The following KCNT2 variants were observed in gnomAD, a reference collection of about 807,000 sequenced individuals.
The protein encoded by KCNT2 is potassium channel subfamily T member 2.
Under a neutral mutation model 153.8 loss-of-function variants are expected in KCNT2, and 67 were observed. The ratio of observed to expected loss-of-function variants is 0.44; its 90% CI spans 0.36 to 0.53. The LOEUF (loss-of-function observed/expected upper bound fraction) is 0.53. KCNT2 is among the 20% of genes least tolerant of loss of function. The pLI, the probability that KCNT2 is intolerant of heterozygous loss-of-function variation, is 0.00. For synonymous variants in KCNT2, 500 were observed against 458.8 expected (o/e 1.09, Z -1.15); for missense variants, 975 against 1,354.8 (o/e 0.72, Z 4.40).
At chr1:196,536,689 G>A (rs559614604) in intron 1 of KCNT2, among the ~76,000 whole-genome samples, 1 of 152,140 alleles carries the variant, frequency 6.6e-6, no homozygotes, top group African/African-American at 2.4e-5. Flanking sequence ...CAGTCTGGGG[G>A]GTTGTTACCC....
At chr1:196,434,862 A>T (rs1674480531) in intron 8 of KCNT2, among the ~76,000 whole-genome samples, 1 of 151,684 alleles carries the variant, frequency 6.6e-6, no homozygotes, top group South Asian at 2.1e-4. Flanking sequence ...ATGGTGGTAC[A>T]GTCTACTAGA....
At chr1:196,529,507 G>C (rs547373856) in intron 1 of KCNT2, among the ~76,000 whole-genome samples, 3 of 152,058 alleles carry the variant, frequency 2.0e-5, no homozygotes, top group Non-Finnish European at 2.9e-5. Flanking sequence ...ACTTGTTCAA[G>C]AGAAAGAAAT....
At chr1:196,486,298 C>T (rs1213996843) in intron 3 of KCNT2, among the ~76,000 whole-genome samples, 5 of 151,686 alleles carry the variant, frequency 3.3e-5, no homozygotes, top group Admixed American at 1.3e-4. Flanking sequence ...ACAAATTTCC[C>T]TTTCCAAAAT....
intron 26 of KCNT2, among the ~76,000 whole-genome samples, chr1:196,240,866 A>G (rs1654888243): frequency 6.6e-6 from 1 of 152,024 alleles, no homozygotes; most frequent in Admixed American, 6.6e-5. Flanking sequence ...TATCACTTTG[A>G]TTGCTTTGTG....
At chr1:196,337,540 T>C (rs987431328) in intron 16 of KCNT2, among the ~76,000 whole-genome samples, 8 of 152,090 alleles carry the variant, frequency 5.3e-5, no homozygotes, top group African/African-American at 1.7e-4. Context: ...TTTCTACCTG[T>C]TCGTCCTCAT....
At chr1:196,404,418 A>G (rs1297869716) in intron 12 of KCNT2, among the ~76,000 whole-genome samples, 2 of 151,716 alleles carry the variant, frequency 1.3e-5, no homozygotes, top group Non-Finnish European at 3.0e-5. Flanking sequence ...CATCAAATTC[A>G]AACTTCTTAA....
intron 8 of KCNT2, among the ~76,000 whole-genome samples, chr1:196,434,838 A>G (rs1300222038): frequency 6.6e-6 from 1 of 151,612 alleles, no homozygotes; most frequent in African/African-American, 2.4e-5. Flanking sequence ...CCCTGAGACC[A>G]CCACACTGTG....
chr1:196,339,869 G>A (rs1483975192), intron 16 of KCNT2, among the ~76,000 whole-genome samples: 1 of 152,056 alleles, frequency 6.6e-6, no homozygotes. Context: ...GAGATGGAAA[G>A]AGAATTTTGA....
chr1:196,231,699 C>A (rs970225869), intron 27 of KCNT2, among the ~76,000 whole-genome samples: 1 of 151,606 alleles, frequency 6.6e-6, no homozygotes. Context: ...TTCTGATGTG[C>A]TTAGAAATGA....
At chr1:196,273,461 T>C (rs574709687) in intron 25 of KCNT2, 1 of 1,527,008 alleles carries the variant, frequency 6.5e-7, no homozygotes, top group East Asian at 2.5e-5. Context: ...AAACAGAAAA[T>C]ACTTACTTGT....
chr1:196,288,372 A>G (rs1659875194), intron 22 of KCNT2, among the ~76,000 whole-genome samples: 1 of 152,066 alleles, frequency 6.6e-6, no homozygotes, highest in Non-Finnish European at 1.5e-5. Context: ...AACAGGACAT[A>G]TGGTTACCCT....
At chr1:196,451,407 A>ACTTTTTTTTTT (rs1491122191) in intron 8 of KCNT2, among the ~76,000 whole-genome samples, 7 of 62,876 alleles carry the variant, frequency 1.1e-4, no homozygotes, top group Non-Finnish European at 1.6e-4. Context: ...CACCCAACAC[A>ACTTTTTTTTTT]TTTTTTTTTT....
At chr1:196,417,526 C>A (rs935001399) in intron 12 of KCNT2, among the ~76,000 whole-genome samples, 3 of 152,094 alleles carry the variant, frequency 2.0e-5, no homozygotes, top group Non-Finnish European at 4.4e-5. Context: ...ATTCTCTTAA[C>A]CTCCTTCCAT....
intron 12 of KCNT2, among the ~76,000 whole-genome samples, chr1:196,420,852 C>T (rs749833501): frequency 6.6e-6 from 1 of 152,000 alleles, no homozygotes; most frequent in East Asian, 1.9e-4. Flanking sequence ...AGTAGAGTAT[C>T]CCTGGATCAA....
chr1:196,456,046 T>C (rs1379010572), intron 8 of KCNT2, among the ~76,000 whole-genome samples: 1 of 152,044 alleles, frequency 6.6e-6, no homozygotes, highest in Admixed American at 6.6e-5. Context: ...CTAGTAACTT[T>C]ATTCTAGTCT....
intron 1 of KCNT2, among the ~76,000 whole-genome samples, chr1:196,499,017 C>G (rs964411163): frequency 6.6e-5 from 10 of 152,086 alleles, no homozygotes; most frequent in Admixed American, 1.3e-4. Flanking sequence ...AGCCCTTAAT[C>G]AAATATGACA....
intron 1 of KCNT2, among the ~76,000 whole-genome samples, chr1:196,581,154 T>C (rs1661990495): frequency 6.6e-6 from 1 of 152,110 alleles, no homozygotes; most frequent in Admixed American, 6.6e-5. Flanking sequence ...ATTTTTACCT[T>C]TCTGTACCAC....
chr1:196,243,113 A>G (rs1221228633), intron 26 of KCNT2, among the ~76,000 whole-genome samples: 1 of 152,138 alleles, frequency 6.6e-6, no homozygotes, highest in Non-Finnish European at 1.5e-5. Context: ...TGATTTCAAG[A>G]AGCAGTTTTC....
At chr1:196,396,698 T>G (rs1199309950) in intron 13 of KCNT2, among the ~76,000 whole-genome samples, 2 of 151,624 alleles carry the variant, frequency 1.3e-5, no homozygotes, top group African/African-American at 4.8e-5. Context: ...ATAAAAAGAA[T>G]TTCATCAGGT....
Sources: gnomAD v4.1 joint callset for allele counts (sites outside exome capture counted in the v4.1 genomes callset) on GRCh38, gnomAD v4.1.1 for gene constraint, MANE v1.5 for transcripts, NCBI Gene and HGNC (gene_info 2026-07-23, HGNC 2026-07-21) for gene names.